Variants in BRF1 observed in about 807,000 individuals in gnomAD.
The protein encoded by BRF1 is BRF1 general transcription factor IIIB subunit.
In BRF1, 59 loss-of-function variants were observed where a neutral mutation model predicts 81.7. The observed-to-expected ratio is 0.72, with a 90% CI of 0.59 to 0.90. The LOEUF is 0.90. Among genes scored for constraint, BRF1 ranks in the 40% least tolerant of loss-of-function variants. The pLI is 0.00. For synonymous variants in BRF1, 491 were observed against 395.6 expected (o/e 1.24, Z -2.86); for missense variants, 1,050 against 936.3 (o/e 1.12, Z -1.58).
At chr14:105,307,369 C>A (rs1319155868) in intron 1 of BRF1, among the ~76,000 whole-genome samples, 1 of 152,166 alleles carries the variant, frequency 6.6e-6, no homozygotes, top group African/African-American at 2.4e-5. Flanking sequence ...ACTGAAATGA[C>A]CCAGTTCTAA....
chr14:105,249,406 G>A, intron 5 of BRF1: 1 of 1,613,510 alleles, frequency 6.2e-7, no homozygotes, highest in Non-Finnish European at 8.5e-7. Context: ...ATGTTCTACG[G>A]AGACCTGGCG....
intron 1 of BRF1, among the ~76,000 whole-genome samples, chr14:105,297,502 G>A (rs2057794431): frequency 6.6e-6 from 1 of 151,992 alleles, no homozygotes; most frequent in African/African-American, 2.4e-5. Flanking sequence ...CTCGGGAGGC[G>A]GAGGGTGCAG....
At chr14:105,252,660 T>C (rs879323586) in intron 4 of BRF1, 81 bp from the exon 5 acceptor site, 2 of 1,457,664 alleles carry the variant, frequency 1.4e-6, no homozygotes, top group Admixed American at 2.0e-5. Flanking sequence ...ATGCATCTCT[T>C]GTGCAGTCTT....
chr14:105,285,269 C>T (rs1047937099), intron 2 of BRF1, among the ~76,000 whole-genome samples: 8 of 152,218 alleles, frequency 5.3e-5, no homozygotes, highest in South Asian at 4.1e-4. Context: ...AAACTGACTG[C>T]GAAGCTTCAG....
upstream of BRF1, chr14:105,301,321 G>A (rs1467156564): frequency 6.7e-6 from 1 of 148,624 alleles, no homozygotes; most frequent in Non-Finnish European, 1.5e-5. Context: ...GGCTGAGGGT[G>A]GGGGGCGGGG....
rs587637221 is a variant in BRF1 at position 105,252,318 on chromosome 14, C to A, written c.544+189G>T. ...TTGTGCCACTGCACTCCAGCCTGGA[C>A]AACAGCGAGACTGTGTCTTAGAAAA... On this transcript the variant is annotated intron_variant, in intron 5 of 17. Coordinates refer to ENST00000547530, the MANE Select transcript of BRF1 (RefSeq NM_001519.4). 2.8e-5 allele frequency: 27 copies of A among 961,092 alleles called. No homozygotes were observed. In the East Asian group the frequency reaches 2.0e-3, roughly 70 times the overall value. 59.5% of individuals were successfully genotyped at this position (961,092 alleles called of 1,614,324 possible).
rs895726086 is a variant in BRF1 at position 105,269,958 on chromosome 14, A to G, written c.439+2763T>C. Among the ~76,000 whole-genome samples, 2 of 151,994 alleles carry G rather than the reference A, an allele frequency of 1.3e-5. No individual in the cohort carries two copies. Among genetic ancestry groups the G allele is most frequent in the African/African-American group, 4.8e-5 (2 of 41,388 alleles). On this transcript the variant is annotated intron_variant, in intron 3 of 17. Coordinates refer to ENST00000547530, the MANE Select transcript of BRF1 (RefSeq NM_001519.4). This position sits in a 1 kb window ranked among gnomAD's most constrained non-coding sequence, Gnocchi z 5.0. The stretch of plus-strand genomic sequence containing the variant: ...TCGCTCAGGACCTTGGTCTGCTTCT[A>G]AGAGAGCAGGATCGGAGCAGGCCTC...
At chr14:105,249,403 A>T (rs1310854854) in intron 5 of BRF1, 1 of 1,613,220 alleles carries the variant, frequency 6.2e-7, no homozygotes, top group Admixed American at 1.7e-5. Flanking sequence ...GCCATGTTCT[A>T]CGGAGACCTG....
At chr14:105,214,203 G>A (rs1295658380) in intron 15 of BRF1, among the ~76,000 whole-genome samples, 2 of 152,244 alleles carry the variant, frequency 1.3e-5, no homozygotes, top group Non-Finnish European at 2.9e-5. Context: ...TCATCTGGTG[G>A]GCCCCCACTT....
upstream of BRF1, among the ~76,000 whole-genome samples, chr14:105,305,025 A>G (rs141797678): frequency 3.6e-3 from 555 of 152,332 alleles, 3 homozygotes; most frequent in African/African-American, 0.012. Flanking sequence ...CCTTGCCCCA[A>G]GGCGATGGTT....
At chr14:105,290,609 C>T (rs1343327530) in intron 1 of BRF1, among the ~76,000 whole-genome samples, 2 of 152,136 alleles carry the variant, frequency 1.3e-5, no homozygotes, top group Non-Finnish European at 2.9e-5. Flanking sequence ...GTGTTTTACG[C>T]AATCTCTTCA....
In BRF1 at chr14:105,250,820, C is replaced by T. The variant is rs587763758; in HGVS notation, c.544+1687G>A. The T allele has an allele frequency of 3.5e-6, 3 of 846,178 alleles. 1 individual carries two copies. In the South Asian group the frequency reaches 5.4e-5, roughly 15 times the overall value. 52.4% of individuals were successfully genotyped at this position (846,178 alleles called of 1,614,324 possible). On this transcript the variant is annotated intron_variant, in intron 5 of 17. Transcript: ENST00000547530. ...AAGCTTGACTGTGTAGAGACATTTT[C>T]CACACAGCCAGAACCCAGGGATTGG...
intron 5 of BRF1, among the ~76,000 whole-genome samples, chr14:105,245,298 T>C (rs781240725): frequency 2.0e-5 from 3 of 151,458 alleles, no homozygotes; most frequent in Middle Eastern, 3.4e-3. Flanking sequence ...GAGGTGGAGG[T>C]TGCAGTGAGC....
intron 5 of BRF1, chr14:105,250,767 T>C: frequency 7.8e-7 from 1 of 1,277,234 alleles, no homozygotes; most frequent in Non-Finnish European, 1.1e-6. Flanking sequence ...GCTCTTAACT[T>C]TGTCTCTCTT....
At chr14:105,219,827 G>T in intron 12 of BRF1, 1 of 576,076 alleles carries the variant, frequency 1.7e-6, no homozygotes, top group South Asian at 2.0e-5. Context: ...ATGTGCCGAG[G>T]GCCGCAAGGA....
rs767448415 is a variant in BRF1 at position 105,241,367 on chromosome 14, C to T, written c.592G>A (p.Glu198Lys). The change falls in exon 6 of 18, where the codon GAG becomes AAG. Residue 198 changes from glutamate to lysine, a missense_variant. Physicochemically the swap from Glu to Lys is moderately conservative, Grantham distance 56. Coordinates refer to ENST00000547530, the MANE Select transcript of BRF1 (RefSeq NM_001519.4). Reference protein sequence around the residue: ...PRFAHLLEFGEKNHEVSMTAL... With the variant: ...PRFAHLLEFGKKNHEVSMTAL... ...GTCATGGACACCTCGTGGTTCTTCT[C>T]CCCGAATTCCAGCAGGTGCGCAAAG... 1 of 1,612,788 alleles carries T rather than the reference C, an allele frequency of 6.2e-7. No individual in the cohort carries two copies. The highest frequency in any genetic ancestry group is 8.5e-7 in the Non-Finnish European group (1 of 1,179,932).
Position 105,269,159 on chromosome 14 carries a change from C to G in BRF1, c.439+3562G>C, listed in dbSNP as rs1054111655. On this transcript the variant is annotated intron_variant, in intron 3 of 17. Transcript: ENST00000547530. This position sits in a 1 kb window ranked among gnomAD's most constrained non-coding sequence, Gnocchi z 5.0. ...GGCAGGCCTAGGGCACGGTGCTGCC[C>G]GCAACCTGAAGGGAGGGCAGAGCGG... Among the ~76,000 whole-genome samples, 1 of 152,124 alleles carries G rather than the reference C, an allele frequency of 6.6e-6. No individual in the cohort carries two copies. Among genetic ancestry groups the G allele is most frequent in the African/African-American group, 2.4e-5 (1 of 41,410 alleles).
chr14:105,266,703 C>G (rs1173256478), intron 3 of BRF1, among the ~76,000 whole-genome samples: 1 of 152,024 alleles, frequency 6.6e-6, no homozygotes, highest in South Asian at 2.1e-4. Context: ...GCTGAGTCCT[C>G]GGCATACAAA....
chr14:105,272,743 G>A lies in BRF1; in HGVS notation c.417C>T (p.Val139=), dbSNP rs751781426. The change falls in exon 3 of 18, where the codon GTC becomes GTT. Residue 139 remains valine, a synonymous_variant. Coordinates refer to ENST00000547530, the MANE Select transcript of BRF1 (RefSeq NM_001519.4). ...TACGCGGCGTGCCCTCCGTACGGCAGACCAGGTAGAGGCAGGCAGCAATCA... is the reference window on the plus strand; with the variant it reads ...TACGCGGCGTGCCCTCCGTACGGCAAACCAGGTAGAGGCAGGCAGCAATCA... The part of the protein sequence containing the change: ...AHVIAACLYL[V]CRTEGTPHML... 1.1e-5 allele frequency: 18 copies of A among 1,613,206 alleles called. No individual in the cohort carries two copies. Among genetic ancestry groups the A allele is most frequent in the East Asian group, 2.2e-5 (1 of 44,848 alleles).
Sources: allele counts gnomAD v4.1 joint callset (sites outside exome capture counted in the v4.1 genomes callset), GRCh38; gene constraint gnomAD v4.1.1; non-coding constraint Gnocchi (gnomAD v3.1); transcripts MANE v1.5; gene names NCBI Gene and HGNC (gene_info 2026-07-23, HGNC 2026-07-21).